Variants in CEL observed in about 807,000 individuals in gnomAD.
CEL encodes carboxyl ester lipase.
In CEL, 39 loss-of-function variants were observed where a neutral mutation model predicts 57.1. That is an observed-to-expected ratio of 0.68 (90% CI 0.53 to 0.89). The LOEUF is 0.89. Among genes scored for constraint, CEL ranks in the 40% least tolerant of loss-of-function variants. The pLI is 0.00. For missense variants in CEL, 698 were observed against 915.0 expected (o/e 0.76, Z 3.06); for synonymous variants, 314 against 396.6 (o/e 0.79, Z 2.48).
chr9:133,065,356 G>C, intron 4 of CEL, 119 bp downstream of exon 4: 1 of 1,180,494 alleles, frequency 8.5e-7, no homozygotes, highest in Non-Finnish European at 1.2e-6. Context: ...AGACCCGGAA[G>C]CTGGAGTAGA....
chr9:133,066,975 G>GGGGGGT lies in CEL; in HGVS notation c.777+30_777+31insGGGGGT. On this transcript the variant is annotated intron_variant, in intron 6 of 10. Coordinates refer to ENST00000372080, the MANE Select transcript of CEL (RefSeq NM_001807.6). The surrounding 1 kb of genome is among the most constrained non-coding windows in gnomAD (Gnocchi z 4.3). ...ACGGAGGAGGGCAGGGCTGGGCGGG[G>GGGGGGT]TGGGGGCTGTCCACATTTCCGTTCT... 2 of 1,467,678 alleles carry GGGGGGT rather than the reference G, an allele frequency of 1.4e-6. No homozygotes were observed. Among genetic ancestry groups the GGGGGGT allele is most frequent in the African/African-American group, 1.4e-5 (1 of 71,876 alleles). The allele number at this position is 1,467,678 out of a possible 1,614,324, so 90.9% of individuals were successfully genotyped here. A position where few individuals can be genotyped will look rare whatever the true frequency, so the allele number is the denominator to read the frequency against.
chr9:133,065,257 C>T lies in CEL; in HGVS notation c.538+20C>T, dbSNP rs1269897502. On this transcript the variant is annotated intron_variant, in intron 4 of 10. Transcript: ENST00000372080. ...TGCCAGGTGCGTGGGTGCCTTCGGC[C>T]CTGAGGTGGGGCGACCAGCATGCTG... 1 of 1,610,502 alleles carries T rather than the reference C, an allele frequency of 6.2e-7. No homozygotes were observed. Among genetic ancestry groups the T allele is most frequent in the Admixed American group, 1.7e-5 (1 of 60,030 alleles).
At position 133,066,555 on chromosome 9, in the gene CEL, C is replaced by T. The variant is rs1157742766; in HGVS notation, c.564C>T (p.His188=). The change falls in exon 5 of 11, where the codon CAC becomes CAT. Residue 188 remains histidine, a synonymous_variant. Transcript: ENST00000372080. This position sits in a 1 kb window ranked among gnomAD's most constrained non-coding sequence, Gnocchi z 4.3. ...GTAACTATGGCCTTCGGGATCAGCA[C>T]ATGGCCATTGCTTGGGTGAAGAGGA... ...LPGNYGLRDQ[H]MAIAWVKRNI... 1.2e-6 allele frequency: 2 copies of T among 1,614,058 alleles called. No individual in the cohort carries two copies. The highest frequency in any genetic ancestry group is 1.7e-6 in the Non-Finnish European group (2 of 1,180,012).
rs778356156 is a variant in CEL, at chr9:133,068,660, T to G, written c.896-12T>G. On this transcript the variant is annotated splice_polypyrimidine_tract_variant and intron_variant, in intron 7 of 10. Coordinates refer to ENST00000372080, the MANE Select transcript of CEL (RefSeq NM_001807.6). ...TACAAGAACCTGCTAACCTGCTGGC[T>G]CTCCCACCCAGACCCCATGCTGCAC... 3 of 1,613,122 alleles carry G rather than the reference T, an allele frequency of 1.9e-6. No individual in the cohort carries two copies. Among genetic ancestry groups the G allele is most frequent in the Non-Finnish European group, 2.5e-6 (3 of 1,179,724 alleles).
intron 1 of CEL, among the ~76,000 whole-genome samples, chr9:133,063,945 G>C (rs1830133236): frequency 6.6e-6 from 1 of 152,156 alleles, no homozygotes; most frequent in Non-Finnish European, 1.5e-5. Flanking sequence ...AAGGAGGAAG[G>C]TTGGTGTGAA....
chr9:133,071,822 C>G lies in CEL; in HGVS notation c.*58C>G. 1 of 1,485,446 alleles carries G rather than the reference C, an allele frequency of 6.7e-7. No individual in the cohort carries two copies. The highest frequency in any genetic ancestry group is 2.3e-5 in the East Asian group (1 of 44,034). 92.0% of individuals were successfully genotyped at this position (1,485,446 alleles called of 1,614,324 possible). A position where few individuals can be genotyped will look rare whatever the true frequency, so the allele number is the denominator to read the frequency against. On this transcript the variant is annotated 3_prime_UTR_variant, in exon 11 of 11. Coordinates refer to ENST00000372080, the MANE Select transcript of CEL (RefSeq NM_001807.6). ...AGAGTGGGACCCCAGGGGCTCCCCT[C>G]CCATCTTGAGCTCTTCCTGAATAAA... is the stretch of plus-strand genomic sequence containing the variant.
intron 7 of CEL, among the ~76,000 whole-genome samples, chr9:133,068,165 C>T (rs1830210635): frequency 6.6e-6 from 1 of 152,248 alleles, no homozygotes; most frequent in South Asian, 2.1e-4. Flanking sequence ...CCGCCTGCCT[C>T]AGCAGCCACT....
intron 1 of CEL, among the ~76,000 whole-genome samples, chr9:133,062,741 CG>C (rs1830110674): frequency 6.6e-6 from 1 of 150,570 alleles, no homozygotes; most frequent in Non-Finnish European, 1.5e-5. Context: ...GAAGGGGAAA[CG>C]GGCCCAGGGG....
At chr9:133,067,285 G>A in intron 7 of CEL, 80 bp downstream of exon 7, 6 of 1,295,302 alleles carry the variant, frequency 4.6e-6, no homozygotes, top group Non-Finnish European at 6.6e-6. Flanking sequence ...CTCCGGAGGA[G>A]AGAGGAAGGT....
chr9:133,064,372 C>A (rs762055225), intron 1 of CEL, 32 bp from the exon 2 acceptor site: 5 of 1,611,572 alleles, frequency 3.1e-6, no homozygotes, highest in Non-Finnish European at 3.4e-6. Context: ...GGGGCTTGAG[C>A]CCCCCTGACC....
Position 133,064,545 on chromosome 9 carries a change from G to A in CEL, c.208G>A (p.Gly70Ser). The A allele has an allele frequency of 6.2e-7, 1 of 1,614,156 alleles. No individual in the cohort carries two copies. The highest frequency in any genetic ancestry group is 8.5e-7 in the Non-Finnish European group (1 of 1,180,020). Reference protein sequence around the residue: ...KALENPQPHPGWQGTLKAKNF... With the variant: ...KALENPQPHPSWQGTLKAKNF... ...CCTGGAAAATCCTCAGCCACATCCT[G>A]GCTGGCAAGGTGGGAGTGGGTGGTG... The change falls in exon 2 of 11, where the codon GGC becomes AGC. Residue 70 changes from glycine (G) to serine (S), a missense_variant. Coordinates refer to ENST00000372080, the MANE Select transcript of CEL (RefSeq NM_001807.6).
In CEL at chr9:133,064,433, C is replaced by G; in HGVS notation, c.96C>G (p.Phe32Leu). 6.2e-7 allele frequency: 1 copy of G among 1,614,090 alleles called. No individual in the cohort carries two copies. Among genetic ancestry groups the G allele is most frequent in the Non-Finnish European group, 8.5e-7 (1 of 1,180,022 alleles). The change falls in exon 2 of 11, where the codon TTC (phenylalanine) becomes TTG (leucine). Residue 32 changes from phenylalanine to leucine, a missense_variant. This residue lies in a region of CEL where 327 missense variants were observed against 374.1 expected (regional missense o/e 0.87). Coordinates refer to ENST00000372080, the MANE Select transcript of CEL (RefSeq NM_001807.6). ...GCGCCGTGTACACAGAAGGTGGGTT[C>G]GTGGAAGGCGTCAATAAGAAGCTCG... ...KLGAVYTEGG[F>L]VEGVNKKLGL...
intron 1 of CEL, among the ~76,000 whole-genome samples, chr9:133,063,817 C>T (rs1830131070): frequency 6.6e-6 from 1 of 152,204 alleles, no homozygotes; most frequent in South Asian, 2.1e-4. Flanking sequence ...GGGTTCTTTA[C>T]CAGCAGGGGG....
At chr9:133,063,899 G>T (rs1415798435) in intron 1 of CEL, among the ~76,000 whole-genome samples, 1 of 152,200 alleles carries the variant, frequency 6.6e-6, no homozygotes, top group Admixed American at 6.5e-5. Flanking sequence ...TGTGCAGGGA[G>T]ATGGGAGGAG....
At position 133,071,673 on chromosome 9, in the gene CEL, C is replaced by T. The variant is rs539596679; in HGVS notation, c.2171C>T (p.Pro724Leu). Residue 724 changes from proline (P) to leucine (L), a missense_variant, in exon 11 of 11, where the codon CCT becomes CTT. Around this residue, in one of 6 missense-constraint regions of CEL, gnomAD observed 238 missense variants for 213.7 expected, o/e 1.11. Coordinates refer to ENST00000372080, the MANE Select transcript of CEL (RefSeq NM_001807.6). ...VPPTGDSGAP[P>L]VPPTGDSEAA... is the part of the protein sequence containing the mutation. ...CCCACGGGTGACTCCGGGGCCCCCC[C>T]TGTGCCCCCCACGGGTGACTCTGAG... 299 of 1,591,494 alleles carry T rather than the reference C, an allele frequency of 1.9e-4. 2 individuals are homozygous for T. Among genetic ancestry groups the T allele is most frequent in the Non-Finnish European group, 2.4e-4 (280 of 1,164,192 alleles).
Position 133,066,965 on chromosome 9 carries a change from GC to G in CEL, c.777+21del. The stretch of plus-strand genomic sequence containing the variant: ...AAAAAGGTAAACGGAGGAGGGCAGG[GC>G]TGGGCGGGGTGGGGGCTGTCCACAT... On this transcript the variant is annotated intron_variant, in intron 6 of 10. Coordinates refer to ENST00000372080, the MANE Select transcript of CEL (RefSeq NM_001807.6). This position sits in a 1 kb window ranked among gnomAD's most constrained non-coding sequence, Gnocchi z 4.3. 1 of 1,576,800 alleles carries G rather than the reference GC, an allele frequency of 6.3e-7. No individual in the cohort carries two copies. The highest frequency in any genetic ancestry group is 1.4e-5 in the African/African-American group (1 of 73,666).
chr9:133,064,074 C>T (rs1168291770), intron 1 of CEL, among the ~76,000 whole-genome samples: 1 of 152,210 alleles, frequency 6.6e-6, no homozygotes, highest in African/African-American at 2.4e-5. Context: ...CATGGGGAAA[C>T]TGAGGATCGG....
At position 133,064,259 on chromosome 9, in the gene CEL, G is replaced by T. The variant is rs1475197054; in HGVS notation, c.67-145G>T. 5 of 1,015,140 alleles carry T rather than the reference G, an allele frequency of 4.9e-6. No individual in the cohort carries two copies. In the Admixed American group the frequency reaches 8.1e-5, roughly 17 times the overall value. 62.9% of individuals were successfully genotyped at this position (1,015,140 alleles called of 1,614,324 possible). A position where few individuals can be genotyped will look rare whatever the true frequency, so the allele number is the denominator to read the frequency against. ...AGCCCTGAGCATTGCAGGGCAGGGG[G>T]TGCTGCCTGGGTCTCCTGTGCAGAG... is the stretch of plus-strand genomic sequence containing the variant. On this transcript the variant is annotated intron_variant, in intron 1 of 10. Transcript: ENST00000372080.
Position 133,066,976 on chromosome 9 carries a change from T to TGGGGGGGGGGG in CEL, c.777+36_777+37insGGGGGGGGGGG. On this transcript the variant is annotated intron_variant, in intron 6 of 10. Coordinates refer to ENST00000372080, the MANE Select transcript of CEL (RefSeq NM_001807.6). The surrounding 1 kb of genome is among the most constrained non-coding windows in gnomAD (Gnocchi z 4.3). The stretch of plus-strand genomic sequence containing the variant: ...CGGAGGAGGGCAGGGCTGGGCGGGG[T>TGGGGGGGGGGG]GGGGGCTGTCCACATTTCCGTTCTT... 9.3e-6 allele frequency: 7 copies of TGGGGGGGGGGG among 753,422 alleles called. No homozygotes were observed. Among genetic ancestry groups the TGGGGGGGGGGG allele is most frequent in the East Asian group, 4.3e-5 (1 of 23,098 alleles). The allele number at this position is 753,422 out of a possible 1,614,324, so 46.7% of individuals were successfully genotyped here.
Sources: gnomAD v4.1 joint callset for allele counts (sites outside exome capture counted in the v4.1 genomes callset) on GRCh38, gnomAD v4.1.1 for gene constraint, gnomAD v4.1.1 regional missense constraint, Gnocchi (gnomAD v3.1) non-coding constraint, MANE v1.5 for transcripts, NCBI Gene and HGNC (gene_info 2026-07-23, HGNC 2026-07-21) for gene names.